IKZF4: variants seen among roughly 807,000 people sequenced by gnomAD.
The protein encoded by IKZF4 is IKAROS family zinc finger 4, also known as zinc finger protein Eos.
IKZF4 carries 11 observed loss-of-function variants against 47.7 expected under a neutral mutation model. The ratio of observed to expected loss-of-function variants is 0.23; its 90% CI spans 0.15 to 0.38. IKZF4 has a LOEUF of 0.38. Among genes scored for constraint, IKZF4 ranks in the 10% least tolerant of loss-of-function variants. The pLI, the probability that IKZF4 is intolerant of heterozygous loss-of-function variation, is 1.00. For missense variants in IKZF4, 557 were observed against 784.9 expected (o/e 0.71, Z 3.47); for synonymous variants, 298 against 299.4 (o/e 1.00, Z 0.05).
At chr12:56,026,230 C>T (rs565273176) in intron 3 of IKZF4, among the ~76,000 whole-genome samples, 1 of 152,202 alleles carries the variant, frequency 6.6e-6, no homozygotes, top group South Asian at 2.1e-4. Flanking sequence ...AGCCACCACA[C>T]CCGGCCCAAC....
chr12:56,033,431 G>C, intron 7 of IKZF4, 110 bp downstream of exon 7: 2 of 1,395,506 alleles, frequency 1.4e-6, no homozygotes, highest in Non-Finnish European at 2.0e-6. Context: ...TGGTGGGCTG[G>C]GTGCAGTGGC....
At chr12:56,011,248 T>TACA (rs1891290345) in intron 1 of IKZF4, 1 of 152,188 alleles carries the variant, frequency 6.6e-6, no homozygotes, top group Non-Finnish European at 1.5e-5. Context: ...TACTTGGGGG[T>TACA]ACACCCAAAA....
At chr12:56,021,618 G>T in intron 1 of IKZF4, 38 bp downstream of exon 1, 1 of 1,567,730 alleles carries the variant, frequency 6.4e-7, no homozygotes, top group Non-Finnish European at 8.6e-7. Flanking sequence ...GAGGGAGGAA[G>T]GGGGGTGCTG....
Position 56,035,434 on chromosome 12 carries a change from C to A in IKZF4, c.*103C>A. On this transcript the variant is annotated 3_prime_UTR_variant, in exon 8 of 8. Coordinates refer to ENST00000547167, the MANE Select transcript of IKZF4 (RefSeq NM_022465.4). The surrounding 1 kb of genome is among the most constrained non-coding windows in gnomAD (Gnocchi z 6.1). ...AAGGAGTTTTGCTTTGTAGCCCTCA[C>A]TACTGGCCACCTGACCTCACACCTG... 7.8e-7 allele frequency: 1 copy of A among 1,278,058 alleles called. No homozygotes were observed. The highest frequency in any genetic ancestry group is 1.1e-6 in the Non-Finnish European group (1 of 919,206). The allele number at this position is 1,278,058 out of a possible 1,614,324, so 79.2% of individuals were successfully genotyped here.
At position 56,035,412 on chromosome 12, in the gene IKZF4, G is replaced by A. The variant is rs1895557114; in HGVS notation, c.*81G>A. On this transcript the variant is annotated 3_prime_UTR_variant, in exon 8 of 8. Transcript: ENST00000547167. This position sits in a 1 kb window ranked among gnomAD's most constrained non-coding sequence, Gnocchi z 6.1. ...ATCCCTGTCCCCACCATTTCCCAAG[G>A]AGTTTTGCTTTGTAGCCCTCACTAC... is the stretch of plus-strand genomic sequence containing the variant. 1.3e-6 allele frequency: 2 copies of A among 1,499,656 alleles called. No individual in the cohort carries two copies. The allele number at this position is 1,499,656 out of a possible 1,614,324, so 92.9% of individuals were successfully genotyped here.
chr12:56,033,228 A>G lies in IKZF4; in HGVS notation c.904A>G (p.Met302Val), dbSNP rs1895150944. 1 of 1,613,968 alleles carries G rather than the reference A, an allele frequency of 6.2e-7. No homozygotes were observed. The highest frequency in any genetic ancestry group is 2.2e-5 in the East Asian group (1 of 44,884). ...TGACCTGGAGATGGTGCCAGACTCC[A>G]TGCTGCACTCATCCTCTGAGCGGCC... ...IRDLEMVPDS[M>V]LHSSSERPTF... The change falls in exon 7 of 8, where the codon ATG (methionine) becomes GTG (valine). Residue 302 changes from methionine (M) to valine (V), a missense_variant. Around this residue, in one of 6 missense-constraint regions of IKZF4, gnomAD observed 72 missense variants for 112.4 expected, o/e 0.64. Coordinates refer to ENST00000547167, the MANE Select transcript of IKZF4 (RefSeq NM_022465.4).
Position 56,026,924 on chromosome 12 carries a change from C to G in IKZF4, c.430C>G (p.Pro144Ala), listed in dbSNP as rs1427732123. 1 of 1,612,762 alleles carries G rather than the reference C, an allele frequency of 6.2e-7. No individual in the cohort carries two copies. The highest frequency in any genetic ancestry group is 2.2e-5 in the East Asian group (1 of 44,832). ...EPLGYCDGSG[P>A]EPHSPGGIRL... ...CCTGGGCTACTGTGATGGGAGTGGG[C>G]CAGAGCCTCACTCCCCTGGGGGCAT... Residue 144 changes from proline to alanine, a missense_variant, in exon 4 of 8, where the codon CCA becomes GCA. By Grantham distance (27) the Pro-to-Ala change is conservative. Around this residue, in one of 6 missense-constraint regions of IKZF4, gnomAD observed 112 missense variants for 168.2 expected, o/e 0.67. Transcript: ENST00000547167.
upstream of IKZF4, among the ~76,000 whole-genome samples, chr12:56,016,567 T>C (rs1170447344): frequency 6.7e-6 from 1 of 149,746 alleles, no homozygotes; most frequent in Non-Finnish European, 1.5e-5. Context: ...GATTACAGGC[T>C]CATGCCACTA....
intron 1 of IKZF4, chr12:56,010,279 C>G (rs1024141451): frequency 1.3e-5 from 2 of 152,072 alleles, no homozygotes; most frequent in African/African-American, 4.8e-5. Flanking sequence ...GTTCTGGAAA[C>G]AGAGAGATAG....
chr12:56,032,796 C>A, intron 6 of IKZF4, 86 bp downstream of exon 6: 1 of 1,384,258 alleles, frequency 7.2e-7, no homozygotes, highest in Non-Finnish European at 1.0e-6. Context: ...ATCTCCCACA[C>A]TGAGGGATGA....
At chr12:56,025,898 G>A (rs950735221) in intron 3 of IKZF4, among the ~76,000 whole-genome samples, 3 of 151,986 alleles carry the variant, frequency 2.0e-5, no homozygotes, top group African/African-American at 7.3e-5. Flanking sequence ...CCCCTTAGTC[G>A]CCTCCTCTCC....
chr12:56,029,613 TTATCTC>T (rs1312081967), intron 5 of IKZF4: 4 of 152,234 alleles, frequency 2.6e-5, no homozygotes, highest in Non-Finnish European at 5.9e-5. Flanking sequence ...TGGGACCTCT[TTATCTC>T]TATGTATGTG....
chr12:56,023,121 C>T (rs1893351986), intron 1 of IKZF4, among the ~76,000 whole-genome samples: 1 of 152,198 alleles, frequency 6.6e-6, no homozygotes. Flanking sequence ...TCTAAGTGTA[C>T]TTTTAAATAT....
At chr12:56,015,398 ATT>A (rs1555201031) in intron 2 of IKZF4, among the ~76,000 whole-genome samples, 1 of 150,442 alleles carries the variant, frequency 6.6e-6, no homozygotes, top group Non-Finnish European at 1.5e-5. Flanking sequence ...TGAACTTTGC[ATT>A]CTTTTTTTTT....
intron 5 of IKZF4, 102 bp from the exon 6 acceptor site, chr12:56,032,459 C>G (rs1450982238): frequency 2.5e-6 from 3 of 1,203,794 alleles, no homozygotes; most frequent in South Asian, 1.6e-5. Context: ...TAGCAACATC[C>G]TTTCCTTCCC....
At chr12:56,028,301 G>A (rs1331465218) in intron 5 of IKZF4, among the ~76,000 whole-genome samples, 1 of 151,724 alleles carries the variant, frequency 6.6e-6, no homozygotes, top group Non-Finnish European at 1.5e-5. Context: ...CAAGATGGGC[G>A]GATCACGAGG....
chr12:56,007,804 A>G (rs1343578355), intron 1 of IKZF4: 1 of 86,014 alleles, frequency 1.2e-5, no homozygotes, highest in African/African-American at 4.4e-5. Context: ...GCGGGGCCTG[A>G]GGGGCTCTGG....
intron 5 of IKZF4, among the ~76,000 whole-genome samples, chr12:56,030,011 T>A (rs1894650958): frequency 6.6e-6 from 1 of 152,212 alleles, no homozygotes; most frequent in Non-Finnish European, 1.5e-5. Flanking sequence ...ACAGATATAC[T>A]GTCAGGTCCC....
chr12:56,030,289 G>T (rs1370035731), intron 5 of IKZF4, among the ~76,000 whole-genome samples: 1 of 151,974 alleles, frequency 6.6e-6, no homozygotes, highest in Non-Finnish European at 1.5e-5. Context: ...CAAAAACTAG[G>T]TGTGGTGGCA....
Sources: allele counts gnomAD v4.1 joint callset (sites outside exome capture counted in the v4.1 genomes callset), GRCh38; gene constraint gnomAD v4.1.1; regional missense constraint gnomAD v4.1.1; non-coding constraint Gnocchi (gnomAD v3.1); transcripts MANE v1.5; gene names NCBI Gene and HGNC (gene_info 2026-07-23, HGNC 2026-07-21).